CASS4: variants seen among roughly 807,000 people sequenced by gnomAD.
The protein encoded by CASS4 is Cas scaffold protein family member 4.
Under a neutral mutation model 54.2 loss-of-function variants are expected in CASS4, and 22 were observed. That is an observed-to-expected ratio of 0.41 (90% CI 0.29 to 0.58). The LOEUF (loss-of-function observed/expected upper bound fraction) is 0.58. Among genes scored for constraint, CASS4 ranks in the 20% least tolerant of loss-of-function variants. CASS4 has a pLI of 0.36. For synonymous variants in CASS4, 409 were observed against 391.5 expected, an observed-to-expected ratio of 1.04 and a Z score of -0.53; for missense variants, 854 against 986.7, an observed-to-expected ratio of 0.87 and a Z score of 1.80.
rs564039213 is a variant in CASS4 at position 56,451,472 on chromosome 20, G to A, written c.643-347G>A. The stretch of plus-strand genomic sequence containing the variant: ...TGGCATTTCGCCGTGTCAGGGGGAT[G>A]CATAGGGGTTTGGTGGATGGAAAAG... On this transcript the variant is annotated intron_variant, in intron 4 of 5. Coordinates refer to ENST00000679887, the MANE Select transcript of CASS4 (RefSeq NM_020356.4). Among the ~76,000 whole-genome samples the A allele has an allele frequency of 8.0e-5, 12 of 149,314 alleles. No homozygotes were observed. The South Asian group carries it at 2.6e-3, about 33-fold the overall frequency.
In CASS4 at chr20:56,459,258, T is replaced by C. The variant is rs1981486460; in HGVS notation, c.*511T>C. 6.4e-6 allele frequency: 1 copy of C among 156,930 alleles called. No homozygotes were observed. Among genetic ancestry groups the C allele is most frequent in the African/African-American group, 2.4e-5 (1 of 41,448 alleles). 9.7% of individuals were successfully genotyped at this position (156,930 alleles called of 1,614,324 possible). On this transcript the variant is annotated 3_prime_UTR_variant, in exon 6 of 6. Transcript: ENST00000679887. ...TTAATGAAAGGTCTCACATATTTATTACTGAACCCAGCCAACCAATGCATT... is the reference window on the plus strand; with the variant it reads ...TTAATGAAAGGTCTCACATATTTATCACTGAACCCAGCCAACCAATGCATT...
rs375551265 is a variant in CASS4, at chr20:56,460,104, A to C, written c.*1357A>C. On this transcript the variant is annotated 3_prime_UTR_variant, in exon 6 of 6. Transcript: ENST00000679887. The stretch of plus-strand genomic sequence containing the variant: ...TTATGTATGTGTCTTGCACCCATAA[A>C]TATATATTTTTGCTATGTTACTTTA... 2.8e-4 allele frequency: 42 copies of C among 152,660 alleles called. No homozygotes were observed. Among genetic ancestry groups the C allele is most frequent in the African/African-American group, 9.6e-4 (40 of 41,562 alleles). The allele number at this position is 152,660 out of a possible 1,614,324, so 9.5% of individuals were successfully genotyped here. A position where few individuals can be genotyped will look rare whatever the true frequency, so the allele number is the denominator to read the frequency against.
intron 2 of CASS4, among the ~76,000 whole-genome samples, chr20:56,442,891 A>G (rs1425401009): frequency 6.6e-6 from 1 of 151,784 alleles, no homozygotes; most frequent in African/African-American, 2.4e-5. Flanking sequence ...TCCAAGAAGC[A>G]CTGGGCATTT....
At chr20:56,442,244 T>A (rs185507183) in intron 2 of CASS4, among the ~76,000 whole-genome samples, 1 of 151,880 alleles carries the variant, frequency 6.6e-6, no homozygotes, top group East Asian at 1.9e-4. Context: ...GAGGCGTCTA[T>A]GTGTCAGAAT....
intron 5 of CASS4, among the ~76,000 whole-genome samples, chr20:56,456,111 A>T (rs576813598): frequency 6.6e-6 from 1 of 151,828 alleles, no homozygotes; most frequent in East Asian, 1.9e-4. Context: ...GACTGACAGC[A>T]CTTCTCAGTG....
chr20:56,453,520 C>G (rs913358608), intron 5 of CASS4: 1 of 168,320 alleles, frequency 5.9e-6, no homozygotes, highest in East Asian at 1.8e-4. Context: ...TTCTTAGCAA[C>G]GAAAGAGGAA....
intron 1 of CASS4, among the ~76,000 whole-genome samples, chr20:56,416,528 C>CGTGTGTGT (rs3219626): frequency 3.4e-5 from 5 of 149,098 alleles, no homozygotes; most frequent in African/African-American, 7.4e-5. Context: ...TGTTTACTTC[C>CGTGTGTGT]GTGTGTGTGT....
chr20:56,458,672 C>T lies in CASS4; in HGVS notation c.2286C>T (p.Ala762=), dbSNP rs112583744. The T allele has an allele frequency of 1.1e-5, 17 of 1,612,740 alleles. No individual in the cohort carries two copies. In the East Asian group the frequency reaches 1.6e-4, roughly 15 times the overall value. ...KNAVLTYPSP[A]ALGHLQAEAE... ...CCGTGCTCACGTACCCCAGCCCTGC[C>T]GCGCTGGGGCACCTCCAGGCGGAGG... The change falls in exon 6 of 6, where the codon GCC becomes GCT. Residue 762 remains alanine, a synonymous_variant. Coordinates refer to ENST00000679887, the MANE Select transcript of CASS4 (RefSeq NM_020356.4).
intron 1 of CASS4, among the ~76,000 whole-genome samples, chr20:56,431,038 AAT>A (rs776166763): frequency 1.3e-5 from 2 of 152,190 alleles, no homozygotes; most frequent in East Asian, 3.8e-4. Context: ...ATGTGTATAA[AAT>A]AAAATATTCT....
chr20:56,425,906 T>C (rs1215035145), intron 1 of CASS4, among the ~76,000 whole-genome samples: 3 of 152,230 alleles, frequency 2.0e-5, no homozygotes, highest in African/African-American at 7.2e-5. Flanking sequence ...AAAGCATCAA[T>C]GCAGACCTAT....
intron 1 of CASS4, among the ~76,000 whole-genome samples, chr20:56,416,415 C>T (rs1979139348): frequency 6.6e-6 from 1 of 152,088 alleles, no homozygotes; most frequent in Non-Finnish European, 1.5e-5. Flanking sequence ...GCTTATTATA[C>T]GTAAGTTCTT....
intron 1 of CASS4, among the ~76,000 whole-genome samples, chr20:56,427,088 G>C (rs927093747): frequency 2.6e-5 from 4 of 151,278 alleles, no homozygotes; most frequent in Non-Finnish European, 5.9e-5. Flanking sequence ...TTAAGACCAG[G>C]AGTTTAAGGC....
chr20:56,423,441 C>A (rs1172767081), intron 1 of CASS4, among the ~76,000 whole-genome samples: 1 of 152,126 alleles, frequency 6.6e-6, no homozygotes. Flanking sequence ...TTGAAAGTTG[C>A]ATCAGGTTTT....
At chr20:56,423,315 G>A (rs560442553) in intron 1 of CASS4, among the ~76,000 whole-genome samples, 28 of 152,146 alleles carry the variant, frequency 1.8e-4, no homozygotes, top group Non-Finnish European at 2.9e-4. Flanking sequence ...TGATTGTGTG[G>A]GACTCTGAGT....
At chr20:56,440,988 AT>A (rs751312557) in intron 2 of CASS4, among the ~76,000 whole-genome samples, 5,228 of 134,806 alleles carry the variant, frequency 0.039, 221 homozygotes, top group African/African-American at 0.13. Flanking sequence ...AAAAAAAAAA[AT>A]TTTTTTTTTT....
rs369739655 is a variant in CASS4, at chr20:56,452,081, A to G, written c.905A>G (p.Lys302Arg). Reference protein sequence around the residue: ...PQLNNNVPMQKKLSLPEIPSY... With the variant: ...PQLNNNVPMQRKLSLPEIPSY... ...CTGAATAACAATGTGCCCATGCAGA[A>G]AAAACTCAGCCTTCCAGAAATTCCT... is the stretch of plus-strand genomic sequence containing the variant. The change falls in exon 5 of 6, where the codon AAA becomes AGA. Residue 302 changes from lysine (K) to arginine (R), a missense_variant. Transcript: ENST00000679887. 1.0e-4 allele frequency: 161 copies of G among 1,614,100 alleles called. No individual in the cohort carries two copies. Among genetic ancestry groups the G allele is most frequent in the Non-Finnish European group, 1.3e-4 (155 of 1,180,048 alleles).
At chr20:56,413,031 A>T (rs1978953889) in intron 1 of CASS4, among the ~76,000 whole-genome samples, 2 of 152,128 alleles carry the variant, frequency 1.3e-5, no homozygotes. Context: ...ATCAAAAAAG[A>T]TTCACTATTT....
At chr20:56,435,860 C>CG (rs1980127751) in intron 1 of CASS4, among the ~76,000 whole-genome samples, 3 of 152,278 alleles carry the variant, frequency 2.0e-5, no homozygotes, top group Admixed American at 1.3e-4. Context: ...AAGCGACTTT[C>CG]CTGACTCAGT....
intron 1 of CASS4, among the ~76,000 whole-genome samples, chr20:56,434,986 C>T (rs1980087703): frequency 6.6e-6 from 1 of 152,142 alleles, no homozygotes; most frequent in South Asian, 2.1e-4. Flanking sequence ...CTTTAATGAA[C>T]TTTTATTACT....
Sources: allele counts gnomAD v4.1 joint callset (sites outside exome capture counted in the v4.1 genomes callset), GRCh38; gene constraint gnomAD v4.1.1; transcripts MANE v1.5; gene names NCBI Gene and HGNC (gene_info 2026-07-23, HGNC 2026-07-21).